DNAJB8: variants seen among roughly 807,000 people sequenced by gnomAD.
DNAJB8 encodes the protein dnaJ homolog subfamily B member 8.
For missense variants in DNAJB8, 354 were observed against 318.9 expected (o/e 1.11, Z -0.84); for synonymous variants, 127 against 127.1 (o/e 1.00, Z 0.00).
At position 128,463,192 on chromosome 3, in the gene DNAJB8, G is replaced by A; in HGVS notation, c.54C>T (p.Asp18=). 1 of 1,614,180 alleles carries A rather than the reference G, an allele frequency of 6.2e-7. No individual in the cohort carries two copies. Among genetic ancestry groups the A allele is most frequent in the Non-Finnish European group, 8.5e-7 (1 of 1,180,022 alleles). The change falls in exon 3 of 3, where the codon GAC becomes GAT. Residue 18 remains aspartate (D), a synonymous_variant. Coordinates refer to ENST00000319153, the MANE Select transcript of DNAJB8 (RefSeq NM_153330.6). The part of the protein sequence containing the change: ...LGVQASASPE[D]IKKAYRKLAL... ...CCAGCTTGCGGTAGGCTTTCTTGAT[G>A]TCCTCCGGGGAAGCGCTGGCCTGCA...
At position 128,462,893 on chromosome 3, in the gene DNAJB8, G is replaced by T; in HGVS notation, c.353C>A (p.Pro118Gln). 1 of 1,614,176 alleles carries T rather than the reference G, an allele frequency of 6.2e-7. No homozygotes were observed. The highest frequency in any genetic ancestry group is 8.5e-7 in the Non-Finnish European group (1 of 1,180,030). ...CCGGCCACCACGGTCACTATTGAATGGGCTGTCCCAGAACTCAAAGGAGAA... is the reference window on the plus strand; with the variant it reads ...CCGGCCACCACGGTCACTATTGAATTGGCTGTCCCAGAACTCAAAGGAGAA... ...DPFSFEFWDS[P>Q]FNSDRGGRGH... The change falls in exon 3 of 3, where the codon CCA becomes CAA. Residue 118 changes from proline (P) to glutamine (Q), a missense_variant. By Grantham distance (76) the Pro-to-Gln change is moderately conservative. Transcript: ENST00000319153.
rs779641429 is a variant in DNAJB8, at chr3:128,463,136, T to A, written c.110A>T (p.Asp37Val). 7 of 1,614,064 alleles carry A rather than the reference T, an allele frequency of 4.3e-6. No individual in the cohort carries two copies. Among genetic ancestry groups the A allele is most frequent in the Non-Finnish European group, 5.9e-6 (7 of 1,180,056 alleles). The change falls in exon 3 of 3, where the codon GAC (aspartate) becomes GTC (valine). Residue 37 changes from aspartate to valine, a missense_variant. Transcript: ENST00000319153. ...ALRWHPDKNP[D>V]NKEEAEKKFK... ...CTTCTTCTCCGCCTCCTCCTTATTG[T>A]CAGGGTTCTTGTCGGGGTGCCAACG...
rs2068516932 is a variant in DNAJB8 at position 128,466,773 on chromosome 3, T to C, written c.-1186A>G. The C allele has an allele frequency of 6.6e-6, 1 of 152,068 alleles. No individual in the cohort carries two copies. Among genetic ancestry groups the C allele is most frequent in the Admixed American group, 6.5e-5 (1 of 15,276 alleles). The allele number at this position is 152,068 out of a possible 1,614,324, so 9.4% of individuals were successfully genotyped here. ...TGACAATGGTGAGCTTTGCAACAGCTCGGGGCAATCTTCTGCGAAGACCCT... is the reference window on the plus strand; with the variant it reads ...TGACAATGGTGAGCTTTGCAACAGCCCGGGGCAATCTTCTGCGAAGACCCT... On this transcript the variant is annotated 5_prime_UTR_variant, in exon 1 of 3. Coordinates refer to ENST00000319153, the MANE Select transcript of DNAJB8 (RefSeq NM_153330.6).
In DNAJB8 at chr3:128,462,887, T is replaced by C. The variant is rs1371004557; in HGVS notation, c.359A>G (p.Asn120Ser). 1 of 1,614,160 alleles carries C rather than the reference T, an allele frequency of 6.2e-7. No individual in the cohort carries two copies. The highest frequency in any genetic ancestry group is 8.5e-7 in the Non-Finnish European group (1 of 1,180,032). Residue 120 changes from asparagine (N) to serine (S), a missense_variant, in exon 3 of 3, where the codon AAT becomes AGT. By Grantham distance (46) the Asn-to-Ser change is conservative. Transcript: ENST00000319153. The stretch of plus-strand genomic sequence containing the variant: ...ATGGCCCCGGCCACCACGGTCACTA[T>C]TGAATGGGCTGTCCCAGAACTCAAA... The part of the protein sequence containing the change: ...FSFEFWDSPF[N>S]SDRGGRGHGL...
At chr3:128,464,405 C>T (rs556106318) in intron 2 of DNAJB8, among the ~76,000 whole-genome samples, 1 of 152,314 alleles carries the variant, frequency 6.6e-6, no homozygotes, top group Non-Finnish European at 1.5e-5. Flanking sequence ...AGAGGGAGTG[C>T]GGCCCCACTA....
At position 128,463,320 on chromosome 3, in the gene DNAJB8, G is replaced by A. The variant is rs951086486; in HGVS notation, c.-75C>T. On this transcript the variant is annotated 5_prime_UTR_variant, in exon 3 of 3. Transcript: ENST00000319153. ...CAGGGGCCCAGCTGGTCAGATGGAC[G>A]GGGGAGAAGTGGCCGGTGGTCTGGG... 54 of 1,380,650 alleles carry A rather than the reference G, an allele frequency of 3.9e-5. No individual in the cohort carries two copies. The Admixed American group carries it at 5.5e-4, about 14-fold the overall frequency. The allele number at this position is 1,380,650 out of a possible 1,614,324, so 85.5% of individuals were successfully genotyped here.
chr3:128,464,578 GGT>G (rs1219776346), intron 2 of DNAJB8, among the ~76,000 whole-genome samples: 2 of 152,094 alleles, frequency 1.3e-5, no homozygotes, highest in African/African-American at 4.8e-5. Context: ...TTCTTGTTCT[GGT>G]GTTGGATCAT....
rs1172904499 is a variant in DNAJB8, at chr3:128,462,712, C to A, written c.534G>T (p.Gly178=). ...SFGGSSSGSS[G]FKSVMSSTEM... ...CGGTGGACGACATCACCGACTTGAA[C>A]CCCGAGCTGCCAGAACTGGAGCCCC... The change falls in exon 3 of 3, where the codon GGG becomes GGT. Residue 178 remains glycine (G), a synonymous_variant. Transcript: ENST00000319153. 1.9e-6 allele frequency: 3 copies of A among 1,614,000 alleles called. No homozygotes were observed. Among genetic ancestry groups the A allele is most frequent in the South Asian group, 2.2e-5 (2 of 91,072 alleles).
chr3:128,466,257 T>C (rs114438813), intron 1 of DNAJB8: 1,724 of 152,360 alleles, frequency 0.011, 20 homozygotes, highest in Middle Eastern at 0.044. Context: ...CTCAGGGCAA[T>C]AGGAAGAGAG....
Position 128,463,042 on chromosome 3 carries a change from A to G in DNAJB8, c.204T>C (p.Ala68=), listed in dbSNP as rs967998451. The change falls in exon 3 of 3, where the codon GCT becomes GCC. Residue 68 remains alanine (A), a synonymous_variant. Transcript: ENST00000319153. The part of the protein sequence containing the change: ...DSKKRSLYDR[A]GCDSWRAGGG... ...CACCAGCCCGCCAGCTGTCACAGCC[A>G]GCACGGTCATACAGGGAGCGTTTCT... The G allele has an allele frequency of 3.7e-6, 6 of 1,614,110 alleles. No homozygotes were observed. The African/African-American group carries it at 5.3e-5, about 14-fold the overall frequency.
In DNAJB8 at chr3:128,463,295, CAGGG is replaced by C; in HGVS notation, c.-54_-51del. ...AGGGAACGTGGAGGCCAGGTGGGCGCAGGGGCCCAGCTGGTCAGATGGACGGGGG... is the reference window on the plus strand; with the variant it reads ...AGGGAACGTGGAGGCCAGGTGGGCGCGCCCAGCTGGTCAGATGGACGGGGG... On this transcript the variant is annotated 5_prime_UTR_variant, in exon 3 of 3. Coordinates refer to ENST00000319153, the MANE Select transcript of DNAJB8 (RefSeq NM_153330.6). The C allele has an allele frequency of 6.5e-7, 1 of 1,534,618 alleles. No individual in the cohort carries two copies. Among genetic ancestry groups the C allele is most frequent in the Non-Finnish European group, 8.9e-7 (1 of 1,128,780 alleles).
intron 2 of DNAJB8, among the ~76,000 whole-genome samples, 186 bp from the exon 3 acceptor site, chr3:128,464,296 T>C (rs567051009): frequency 1.3e-5 from 2 of 152,342 alleles, no homozygotes; most frequent in East Asian, 3.9e-4. Flanking sequence ...TCCTGGATTA[T>C]CTGAGTGGGC....
chr3:128,463,455 G>C lies in DNAJB8; in HGVS notation c.-210C>G. On this transcript the variant is annotated 5_prime_UTR_variant, in exon 3 of 3. Transcript: ENST00000319153. The stretch of plus-strand genomic sequence containing the variant: ...CAGGGACTGGAGGGGCCCCCACTGA[G>C]AGGAGTGGGGGGAGGGGAGGGACAC... 2.0e-6 allele frequency: 1 copy of C among 503,942 alleles called. No homozygotes were observed. Among genetic ancestry groups the C allele is most frequent in the Middle Eastern group, 5.4e-4 (1 of 1,868 alleles). 31.2% of individuals were successfully genotyped at this position (503,942 alleles called of 1,614,324 possible). A position where few individuals can be genotyped will look rare whatever the true frequency, so the allele number is the denominator to read the frequency against.
At chr3:128,464,328 C>T (rs1177088190) in intron 2 of DNAJB8, among the ~76,000 whole-genome samples, 1 of 152,200 alleles carries the variant, frequency 6.6e-6, no homozygotes, top group Non-Finnish European at 1.5e-5. Context: ...TGACACATGT[C>T]CGTATAGGAG....
At chr3:128,464,496 T>C (rs567618832) in intron 2 of DNAJB8, among the ~76,000 whole-genome samples, 1 of 152,304 alleles carries the variant, frequency 6.6e-6, no homozygotes, top group South Asian at 2.1e-4. Context: ...TTGTAATAAT[T>C]TGTAACAGCC....
In DNAJB8 at chr3:128,462,780, A is replaced by T; in HGVS notation, c.466T>A (p.Cys156Ser). 1 of 1,614,154 alleles carries T rather than the reference A, an allele frequency of 6.2e-7. No individual in the cohort carries two copies. The highest frequency in any genetic ancestry group is 1.3e-5 in the African/African-American group (1 of 75,046). The change falls in exon 3 of 3, where the codon TGC becomes AGC. Residue 156 changes from cysteine (C) to serine (S), a missense_variant. Coordinates refer to ENST00000319153, the MANE Select transcript of DNAJB8 (RefSeq NM_153330.6). ...AAGGTGGTGTGGCTGCCCCCGCTGCAGCCCAGCATGTTGAAGGATGAGAAG... is the reference window on the plus strand; with the variant it reads ...AAGGTGGTGTGGCTGCCCCCGCTGCTGCCCAGCATGTTGAAGGATGAGAAG... ...EAFSSFNMLG[C>S]SGGSHTTFSS...
rs1429108234 is a variant in DNAJB8, at chr3:128,462,891, A to G, written c.355T>C (p.Phe119Leu). The change falls in exon 3 of 3, where the codon TTC becomes CTC. Residue 119 changes from phenylalanine (F) to leucine (L), a missense_variant. Physicochemically the swap from Phe to Leu is conservative, Grantham distance 22 (BLOSUM62 0). Transcript: ENST00000319153. ...PFSFEFWDSP[F>L]NSDRGGRGHG... ...CCCCGGCCACCACGGTCACTATTGA[A>G]TGGGCTGTCCCAGAACTCAAAGGAG... The G allele has an allele frequency of 1.2e-6, 2 of 1,614,018 alleles. No homozygotes were observed. Among genetic ancestry groups the G allele is most frequent in the Admixed American group, 1.7e-5 (1 of 60,006 alleles).
In DNAJB8 at chr3:128,466,616, C is replaced by T. The variant is rs938641434; in HGVS notation, c.-1029G>A. On this transcript the variant is annotated splice_region_variant and 5_prime_UTR_variant, in exon 1 of 3. Coordinates refer to ENST00000319153, the MANE Select transcript of DNAJB8 (RefSeq NM_153330.6). The stretch of plus-strand genomic sequence containing the variant: ...TGCTAACTTGGCATTACACCAACCT[C>T]TTCCATGGTCTCCTTGCATCCTGGA... 3 of 152,316 alleles carry T rather than the reference C, an allele frequency of 2.0e-5. No homozygotes were observed. The highest frequency in any genetic ancestry group is 7.2e-5 in the African/African-American group (3 of 41,426). 9.4% of individuals were successfully genotyped at this position (152,316 alleles called of 1,614,324 possible). A position where few individuals can be genotyped will look rare whatever the true frequency, so the allele number is the denominator to read the frequency against.
Position 128,462,512 on chromosome 3 carries a change from G to C in DNAJB8, c.*35C>G. Reference sequence around the variant, plus strand: ...CGTGTTTGCTGCCCCATGCACGGTGGTGGTGGTGGGAAGGCAGGGCCGGGT... The same window carrying C: ...CGTGTTTGCTGCCCCATGCACGGTGCTGGTGGTGGGAAGGCAGGGCCGGGT... On this transcript the variant is annotated 3_prime_UTR_variant, in exon 3 of 3. Transcript: ENST00000319153. The C allele has an allele frequency of 3.2e-6, 5 of 1,572,874 alleles. No individual in the cohort carries two copies. The highest frequency in any genetic ancestry group is 4.3e-6 in the Non-Finnish European group (5 of 1,156,218).
Sources: allele counts gnomAD v4.1 joint callset (sites outside exome capture counted in the v4.1 genomes callset), GRCh38; gene constraint gnomAD v4.1.1; transcripts MANE v1.5; gene names NCBI Gene and HGNC (gene_info 2026-07-23, HGNC 2026-07-21).